NDC80: variants seen among roughly 807,000 people sequenced by gnomAD.
The protein encoded by NDC80 is NDC80 kinetochore complex component.
A neutral mutation model predicts 89.3 loss-of-function variants in NDC80; 69 were observed. The ratio of observed to expected loss-of-function variants is 0.77; its 90% CI spans 0.64 to 0.94. NDC80 has a LOEUF of 0.94. NDC80 is among the 40% of genes least tolerant of loss of function. The pLI is 0.00. For missense variants in NDC80, 593 were observed against 739.6 expected, an observed-to-expected ratio of 0.80 and a Z score of 2.30; for synonymous variants, 243 against 255.6, an observed-to-expected ratio of 0.95 and a Z score of 0.47.
chr18:2,601,121 T>C (rs2072681948), intron 12 of NDC80, among the ~76,000 whole-genome samples: 1 of 152,204 alleles, frequency 6.6e-6, no homozygotes, highest in African/African-American at 2.4e-5. Context: ...AGTGTACTTG[T>C]AAAATGTTTA....
chr18:2,597,659 G>A (rs2072663769), intron 11 of NDC80, among the ~76,000 whole-genome samples: 1 of 152,058 alleles, frequency 6.6e-6, no homozygotes, highest in South Asian at 2.1e-4. Flanking sequence ...TGAACCCGGA[G>A]GCGGAAGTTG....
intron 9 of NDC80, among the ~76,000 whole-genome samples, chr18:2,589,764 C>T (rs1170935857): frequency 7.4e-6 from 1 of 135,960 alleles, no homozygotes; most frequent in African/African-American, 3.8e-5. Flanking sequence ...TAGTGAAGCA[C>T]TCAAACTGTT....
At chr18:2,591,462 A>G (rs1266322953) in intron 10 of NDC80, among the ~76,000 whole-genome samples, 3 of 152,038 alleles carry the variant, frequency 2.0e-5, no homozygotes, top group African/African-American at 4.8e-5. Context: ...TCTGTCCCAC[A>G]TGGGAGTTGT....
intron 11 of NDC80, 22 bp downstream of exon 11, chr18:2,595,643 G>A: frequency 1.2e-6 from 2 of 1,605,262 alleles, no homozygotes; most frequent in Non-Finnish European, 1.7e-6. Context: ...CATTTCCAGA[G>A]TGGCAACTCA....
chr18:2,607,646 CTT>C (rs1340782995), intron 14 of NDC80, among the ~76,000 whole-genome samples: 2 of 151,700 alleles, frequency 1.3e-5, no homozygotes, highest in African/African-American at 4.8e-5. Flanking sequence ...AATAAAGTGA[CTT>C]TTTAATTTTT....
At chr18:2,614,114 C>T (rs542237812) in intron 16 of NDC80, among the ~76,000 whole-genome samples, 1 of 152,222 alleles carries the variant, frequency 6.6e-6, no homozygotes, top group South Asian at 2.1e-4. Flanking sequence ...TTACTGCTAG[C>T]AACTATGTAA....
At chr18:2,593,601 AC>A (rs2072638858) in intron 10 of NDC80, 1 of 159,242 alleles carries the variant, frequency 6.3e-6, no homozygotes, top group Non-Finnish European at 1.4e-5. Context: ...TCAGACAATA[AC>A]TTTTTTTGTA....
chr18:2,572,319 A>AT (rs1228837833), intron 1 of NDC80, among the ~76,000 whole-genome samples: 2 of 152,182 alleles, frequency 1.3e-5, no homozygotes, highest in African/African-American at 2.4e-5. Flanking sequence ...AATCATGTGT[A>AT]TCCTAGGAGA....
chr18:2,577,998 T>C lies in NDC80; in HGVS notation c.333T>C (p.Asn111=), dbSNP rs769999628. ...EFLTENGYAH[N]VSMKSLQAPS... is the part of the protein sequence containing the mutation. Reference sequence around the variant, plus strand: ...TTACAGAAAATGGTTATGCACATAATGTGTCCATGAAATCTCTACAAGCTC... The same window carrying C: ...TTACAGAAAATGGTTATGCACATAACGTGTCCATGAAATCTCTACAAGCTC... The change falls in exon 5 of 17, where the codon AAT becomes AAC. Residue 111 remains asparagine, a synonymous_variant. Transcript: ENST00000261597. 7.4e-6 allele frequency: 12 copies of C among 1,614,040 alleles called. No homozygotes were observed. Among genetic ancestry groups the C allele is most frequent in the Middle Eastern group, 1.7e-4 (1 of 6,058 alleles).
chr18:2,575,311 C>T (rs948650779), intron 3 of NDC80, among the ~76,000 whole-genome samples: 4 of 152,188 alleles, frequency 2.6e-5, no homozygotes, highest in African/African-American at 9.6e-5. Context: ...ACCTAGCTTT[C>T]AGACACGGTG....
chr18:2,574,433 C>G (rs1423488079), intron 2 of NDC80, among the ~76,000 whole-genome samples: 4 of 152,138 alleles, frequency 2.6e-5, no homozygotes, highest in African/African-American at 9.7e-5. Flanking sequence ...CTGATCTGAT[C>G]ACTGTACATT....
chr18:2,614,577 GAA>G lies in NDC80; in HGVS notation c.1792-1858_1792-1857del, dbSNP rs774432229. Reference sequence around the variant, plus strand: ...GAAGGAAGGAAGGGAAAGAAAGAAAGAAAGAAAGAAAGAAAGAAAGAAAGAAA... The same window carrying G: ...GAAGGAAGGAAGGGAAAGAAAGAAAGAGAAAGAAAGAAAGAAAGAAAGAAA... On this transcript the variant is annotated intron_variant, in intron 16 of 16. Coordinates refer to ENST00000261597, the MANE Select transcript of NDC80 (RefSeq NM_006101.3). The G allele has an allele frequency of 7.9e-4, 3 of 3,780 alleles. 1 individual carries two copies. Among genetic ancestry groups the G allele is most frequent in the Non-Finnish European group, 1.8e-3 (3 of 1,632 alleles). The allele number at this position is 3,780 out of a possible 1,614,324, so 0.2% of individuals were successfully genotyped here. A position where few individuals can be genotyped will look rare whatever the true frequency, so the allele number is the denominator to read the frequency against.
chr18:2,578,338 G>A (rs531166956), intron 5 of NDC80, among the ~76,000 whole-genome samples, 197 bp downstream of exon 5: 33 of 152,296 alleles, frequency 2.2e-4, no homozygotes, highest in African/African-American at 7.7e-4. Context: ...AGTGGTAGAA[G>A]CAAGAAGGAT....
intron 7 of NDC80, 115 bp downstream of exon 7, chr18:2,585,317 G>A: frequency 1.3e-6 from 1 of 741,964 alleles, no homozygotes; most frequent in Non-Finnish European, 2.2e-6. Context: ...CGACTGTAAG[G>A]TGAAAATATC....
chr18:2,607,993 A>ATATATATATATG, intron 14 of NDC80, among the ~76,000 whole-genome samples: 1 of 132,366 alleles, frequency 7.6e-6, no homozygotes, highest in South Asian at 2.4e-4. Context: ...ATATATATAT[A>ATATATATATATG]TATATAACTT....
intron 6 of NDC80, among the ~76,000 whole-genome samples, chr18:2,583,697 CAAA>C (rs377184384): frequency 1.7e-5 from 2 of 116,562 alleles, no homozygotes; most frequent in Admixed American, 9.1e-5. Flanking sequence ...GACTCCGTCT[CAAA>C]AAAAAAAAAA....
intron 10 of NDC80, chr18:2,593,662 C>T (rs1396187667): frequency 5.1e-5 from 9 of 175,188 alleles, no homozygotes; most frequent in African/African-American, 1.2e-4. Flanking sequence ...CTTTAGTAGA[C>T]GAAATCTCTC....
chr18:2,613,672 G>A (rs1463546528), intron 16 of NDC80, among the ~76,000 whole-genome samples: 2 of 151,840 alleles, frequency 1.3e-5, no homozygotes, highest in African/African-American at 4.8e-5. Flanking sequence ...TATACTTTAG[G>A]GGTTGTAAAT....
chr18:2,597,826 G>A (rs2072665158), intron 11 of NDC80, among the ~76,000 whole-genome samples: 2 of 152,168 alleles, frequency 1.3e-5, no homozygotes, highest in Non-Finnish European at 2.9e-5. Flanking sequence ...GATGAAAGAG[G>A]GAGGAAGTGG....
Sources: gnomAD v4.1 joint callset for allele counts (sites outside exome capture counted in the v4.1 genomes callset) on GRCh38, gnomAD v4.1.1 for gene constraint, MANE v1.5 for transcripts, NCBI Gene and HGNC (gene_info 2026-07-23, HGNC 2026-07-21) for gene names.